DEK: variants seen among roughly 807,000 people sequenced by gnomAD.
DEK encodes the protein DEK proto-oncogene, also known as protein DEK.
In DEK, 28 loss-of-function variants were observed where a neutral mutation model predicts 46.8. The observed-to-expected ratio is 0.60, with a 90% CI of 0.44 to 0.82. The LOEUF is 0.82. Ranked by LOEUF, DEK falls within the 40% of genes least tolerant of loss-of-function variation. DEK has a pLI of 0.00. For missense variants in DEK, 416 were observed against 430.6 expected (o/e 0.97, Z 0.30); for synonymous variants, 160 against 144.5 (o/e 1.11, Z -0.77).
At chr6:18,242,823 A>T (rs1341847912) in intron 7 of DEK, among the ~76,000 whole-genome samples, 1 of 152,204 alleles carries the variant, frequency 6.6e-6, no homozygotes, top group African/African-American at 2.4e-5. Context: ...GAAAAAAATC[A>T]TATGTTGAGG....
Position 18,224,290 on chromosome 6 carries a change from T to C in DEK, c.*1429A>G, listed in dbSNP as rs1790013598. 5.5e-6 allele frequency: 1 copy of C among 182,810 alleles called. No homozygotes were observed. The highest frequency in any genetic ancestry group is 1.2e-5 in the Non-Finnish European group (1 of 85,966). 11.3% of individuals were successfully genotyped at this position (182,810 alleles called of 1,614,324 possible). On this transcript the variant is annotated 3_prime_UTR_variant, in exon 11 of 11. Coordinates refer to ENST00000652689, the MANE Select transcript of DEK (RefSeq NM_003472.4). ...TTATTTTGTTCACTTGTATTTACCT[T>C]TCCCTAGTGTCTGAGTAACTATCAA...
At chr6:18,244,474 A>G (rs1241903405) in intron 7 of DEK, 1 of 1,178,288 alleles carries the variant, frequency 8.5e-7, no homozygotes, top group South Asian at 1.3e-5. Context: ...TTTTTGAAGG[A>G]AGGCAAAAAA....
At chr6:18,245,388 A>AT in intron 7 of DEK, among the ~76,000 whole-genome samples, 6 of 152,180 alleles carry the variant, frequency 3.9e-5, no homozygotes, top group Non-Finnish European at 8.8e-5. Flanking sequence ...ATGAAAGAAA[A>AT]ATAAACTCCT....
intron 1 of DEK, 179 bp from the exon 2 acceptor site, chr6:18,264,175 G>T: frequency 2.1e-6 from 1 of 475,250 alleles, no homozygotes; most frequent in Non-Finnish European, 3.5e-6. Context: ...CTCCGCCGCC[G>T]CCGTCCAGGG....
At chr6:18,244,513 A>G (rs773485032) in intron 7 of DEK, 1 of 1,287,132 alleles carries the variant, frequency 7.8e-7, no homozygotes, top group Non-Finnish European at 1.0e-6. Flanking sequence ...CTTACCTATG[A>G]TTTATAGGCA....
chr6:18,256,473 T>G lies in DEK; in HGVS notation c.358-18A>C. 2 of 1,590,964 alleles carry G rather than the reference T, an allele frequency of 1.3e-6. No homozygotes were observed. Among genetic ancestry groups the G allele is most frequent in the Non-Finnish European group, 1.7e-6 (2 of 1,163,706 alleles). On this transcript the variant is annotated intron_variant, in intron 4 of 10. Coordinates refer to ENST00000652689, the MANE Select transcript of DEK (RefSeq NM_003472.4). ...GAGGACACCTGAAAATGTTCCTTAT[T>G]ATTAATGGTATTTATTACCCAGTAA...
At chr6:18,228,100 C>A (rs560553817) in intron 9 of DEK, among the ~76,000 whole-genome samples, 1 of 152,284 alleles carries the variant, frequency 6.6e-6, no homozygotes, top group South Asian at 2.1e-4. Context: ...GGCTTTACTT[C>A]CACTGTATAG....
At chr6:18,261,952 T>A (rs1791891018) in intron 2 of DEK, among the ~76,000 whole-genome samples, 2 of 152,108 alleles carry the variant, frequency 1.3e-5, no homozygotes. Flanking sequence ...CCAAATTTCG[T>A]GTTGAAAAGT....
intron 9 of DEK, among the ~76,000 whole-genome samples, chr6:18,227,397 C>G (rs956308241): frequency 1.3e-5 from 2 of 152,180 alleles, no homozygotes; most frequent in African/African-American, 4.8e-5. Context: ...ATCTAAAGCA[C>G]AGCACTTAAT....
At chr6:18,226,484 CT>C (rs1347666984) in intron 9 of DEK, among the ~76,000 whole-genome samples, 8 of 152,186 alleles carry the variant, frequency 5.3e-5, no homozygotes, top group Admixed American at 4.6e-4. Context: ...AATGAATTAA[CT>C]AACCATAAAC....
At chr6:18,239,057 T>C (rs1323168811) in intron 7 of DEK, among the ~76,000 whole-genome samples, 1 of 152,124 alleles carries the variant, frequency 6.6e-6, no homozygotes, top group East Asian at 1.9e-4. Flanking sequence ...CTTGAGTAGC[T>C]GGGATTACAG....
chr6:18,225,637 A>G lies in DEK; in HGVS notation c.*82T>C, dbSNP rs1400931339. The G allele has an allele frequency of 1.4e-6, 2 of 1,480,976 alleles. No homozygotes were observed. Among genetic ancestry groups the G allele is most frequent in the African/African-American group, 2.8e-5 (2 of 71,206 alleles). 91.7% of individuals were successfully genotyped at this position (1,480,976 alleles called of 1,614,324 possible). Reference sequence around the variant, plus strand: ...TTGCTTAACAAGGATTTAGAAAAGGAAATACATTCTCTTTGCTGGTATAAT... The same window carrying G: ...TTGCTTAACAAGGATTTAGAAAAGGGAATACATTCTCTTTGCTGGTATAAT... On this transcript the variant is annotated 3_prime_UTR_variant, in exon 11 of 11. Transcript: ENST00000652689.
At chr6:18,259,378 C>A (rs1438939220) in intron 2 of DEK, among the ~76,000 whole-genome samples, 6 of 92,772 alleles carry the variant, frequency 6.5e-5, no homozygotes, top group African/African-American at 2.5e-4. Context: ...CTGGGCGACA[C>A]AGCAAGACTC....
intron 6 of DEK, among the ~76,000 whole-genome samples, chr6:18,251,784 C>A (rs1053073016): frequency 1.3e-5 from 2 of 152,166 alleles, no homozygotes; most frequent in African/African-American, 4.8e-5. Context: ...ATATCCCTCA[C>A]AATCTCAGCT....
At chr6:18,248,852 G>A (rs1335879019) in intron 7 of DEK, among the ~76,000 whole-genome samples, 1 of 152,088 alleles carries the variant, frequency 6.6e-6, no homozygotes, top group Admixed American at 6.6e-5. Context: ...AGAATCATCT[G>A]GTCCAAAATG....
At chr6:18,237,320 T>C (rs774433961) in intron 8 of DEK, 61 bp downstream of exon 8, 77 of 1,538,178 alleles carry the variant, frequency 5.0e-5, no homozygotes, top group Non-Finnish European at 6.3e-5. Context: ...AAATACTATG[T>C]ACAACATATT....
chr6:18,252,432 C>T (rs1241496191), intron 6 of DEK, among the ~76,000 whole-genome samples: 1 of 142,484 alleles, frequency 7.0e-6, no homozygotes, highest in Non-Finnish European at 1.5e-5. Flanking sequence ...TCACCTGAGC[C>T]CAGGAGGTCA....
chr6:18,261,683 G>A (rs1791876234), intron 2 of DEK, among the ~76,000 whole-genome samples: 1 of 152,208 alleles, frequency 6.6e-6, no homozygotes, highest in African/African-American at 2.4e-5. Flanking sequence ...TTTGGAATGG[G>A]AATTTTACCC....
intron 2 of DEK, 63 bp downstream of exon 2, chr6:18,263,780 G>A (rs761579035): frequency 1.9e-6 from 3 of 1,609,384 alleles, no homozygotes; most frequent in South Asian, 2.2e-5. Context: ...CTGTTTCCTG[G>A]GTGAAAAATA....
Sources: gnomAD v4.1 joint callset for allele counts (sites outside exome capture counted in the v4.1 genomes callset) on GRCh38, gnomAD v4.1.1 for gene constraint, MANE v1.5 for transcripts, NCBI Gene and HGNC (gene_info 2026-07-23, HGNC 2026-07-21) for gene names.